TRAPPC12: variants seen among roughly 807,000 people sequenced by gnomAD.
TRAPPC12 encodes the protein trafficking protein particle complex subunit 12, also known as TPR repeat protein 15.
Under a neutral mutation model 69.2 loss-of-function variants are expected in TRAPPC12, and 61 were observed. The ratio of observed to expected loss-of-function variants is 0.88; its 90% CI spans 0.72 to 1.09. TRAPPC12 has a LOEUF of 1.09. TRAPPC12 is among the 50% of genes least tolerant of loss of function. The pLI, the probability that TRAPPC12 is intolerant of heterozygous loss-of-function variation, is 0.00. For missense variants in TRAPPC12, 1,101 were observed against 1,016.4 expected, an observed-to-expected ratio of 1.08 and a Z score of -1.13; for synonymous variants, 469 against 438.9, an observed-to-expected ratio of 1.07 and a Z score of -0.86.
chr2:3,408,985 C>T (rs1661885752), intron 3 of TRAPPC12, among the ~76,000 whole-genome samples: 1 of 152,200 alleles, frequency 6.6e-6, no homozygotes, highest in African/African-American at 2.4e-5. Context: ...CTATGTGCAC[C>T]GTGGCTCCTG....
chr2:3,465,597 GATT>G lies in TRAPPC12; in HGVS notation c.1681_1683del (p.Tyr561del), dbSNP rs1558405514. On this transcript the variant is annotated inframe_deletion and splice_region_variant, in exon 9 of 12. Transcript: ENST00000324266. ...GTACGTTGGGTTTTTCTTCCCACAGGATTATGTGCTGGCCGTGGAGGCGTATCA... is the reference window on the plus strand; with the variant it reads ...GTACGTTGGGTTTTTCTTCCCACAGGATGTGCTGGCCGTGGAGGCGTATCA... The G allele has an allele frequency of 4.3e-6, 7 of 1,612,510 alleles. No homozygotes were observed. Among genetic ancestry groups the G allele is most frequent in the Non-Finnish European group, 5.9e-6 (7 of 1,178,624 alleles).
intron 6 of TRAPPC12, chr2:3,456,093 AG>A (rs1665135038): frequency 6.6e-6 from 1 of 152,208 alleles, no homozygotes; most frequent in Admixed American, 6.5e-5. Flanking sequence ...CGTTTTACCT[AG>A]TTTAAACTGG....
chr2:3,421,831 C>T (rs1336289794), intron 3 of TRAPPC12, 50 bp from the exon 4 acceptor site: 4 of 1,538,886 alleles, frequency 2.6e-6, no homozygotes, highest in East Asian at 2.3e-5. Flanking sequence ...TCATGGATTC[C>T]ACCATGCCTT....
At position 3,479,100 on chromosome 2, in the gene TRAPPC12, C is replaced by T. The variant is rs1038833298; in HGVS notation, c.1966-119C>T. On this transcript the variant is annotated intron_variant, in intron 11 of 11. Coordinates refer to ENST00000324266, the MANE Select transcript of TRAPPC12 (RefSeq NM_016030.6). ...AAGTGACCCAACAGGGCCACCTAGGCTCTGCCCAGCAGCTCTGCACCACCC... is the reference window on the plus strand; with the variant it reads ...AAGTGACCCAACAGGGCCACCTAGGTTCTGCCCAGCAGCTCTGCACCACCC... 5.2e-6 allele frequency: 8 copies of T among 1,532,784 alleles called. No individual in the cohort carries two copies. The African/African-American group carries it at 6.9e-5, about 13-fold the overall frequency. The allele number at this position is 1,532,784 out of a possible 1,614,324, so 94.9% of individuals were successfully genotyped here.
chr2:3,406,309 A>G (rs1211107988), intron 3 of TRAPPC12, among the ~76,000 whole-genome samples: 1 of 84,746 alleles, frequency 1.2e-5, no homozygotes, highest in East Asian at 3.5e-4. Flanking sequence ...TGCTGTCTGA[A>G]TCCTCTGGTA....
rs147897708 is a variant in TRAPPC12, at chr2:3,438,809, A to G, written c.1418-4970A>G. On this transcript the variant is annotated intron_variant, in intron 5 of 11. Transcript: ENST00000324266. ...TAATATTCCATTTTATGTATATACC[A>G]TAGCTTATTTATCCATTTCTCTGTT... 1.9e-4 allele frequency among the ~76,000 whole-genome samples: 29 copies of G among 152,218 alleles called. No individual in the cohort carries two copies. The East Asian group carries it at 5.4e-3, about 28-fold the overall frequency.
chr2:3,476,520 C>G (rs1666296593), intron 9 of TRAPPC12, among the ~76,000 whole-genome samples: 1 of 152,160 alleles, frequency 6.6e-6, no homozygotes, highest in African/African-American at 2.4e-5. Flanking sequence ...TGCCCTTTGC[C>G]CCAGAGGGAT....
chr2:3,469,420 G>A (rs115511522), intron 9 of TRAPPC12, among the ~76,000 whole-genome samples: 391 of 152,340 alleles, frequency 2.6e-3, no homozygotes, highest in Middle Eastern at 0.017. Flanking sequence ...GAAAGTACGG[G>A]ACGAGGTTTT....
chr2:3,409,284 C>A (rs945908235), intron 3 of TRAPPC12, among the ~76,000 whole-genome samples: 1 of 152,144 alleles, frequency 6.6e-6, no homozygotes, highest in African/African-American at 2.4e-5. Flanking sequence ...CAAAAATATT[C>A]CTGTGCCTAG....
At chr2:3,394,579 C>G (rs990390081) in intron 2 of TRAPPC12, among the ~76,000 whole-genome samples, 3 of 151,802 alleles carry the variant, frequency 2.0e-5, no homozygotes, top group Non-Finnish European at 4.4e-5. Flanking sequence ...TGAGATTGCA[C>G]CATTGCATTC....
intron 6 of TRAPPC12, among the ~76,000 whole-genome samples, chr2:3,450,182 C>T (rs989229625): frequency 2.0e-5 from 3 of 152,174 alleles, no homozygotes; most frequent in African/African-American, 7.2e-5. Flanking sequence ...CCAAATGCAC[C>T]AAATGTGAAC....
intron 3 of TRAPPC12, among the ~76,000 whole-genome samples, chr2:3,405,521 A>G (rs923846550): frequency 9.9e-5 from 15 of 152,190 alleles, no homozygotes; most frequent in African/African-American, 3.1e-4. Context: ...CAGGGGTAGG[A>G]TTTCCCATGA....
At chr2:3,472,209 G>C (rs754289077) in intron 9 of TRAPPC12, among the ~76,000 whole-genome samples, 33 of 152,282 alleles carry the variant, frequency 2.2e-4, no homozygotes, top group Non-Finnish European at 4.3e-4. Flanking sequence ...GGGAGACGCT[G>C]AGGTGGAAGA....
At chr2:3,392,338 A>G (rs1196098262) in intron 2 of TRAPPC12, among the ~76,000 whole-genome samples, 2 of 152,136 alleles carry the variant, frequency 1.3e-5, no homozygotes, top group Non-Finnish European at 2.9e-5. Flanking sequence ...CCGCCAGCCC[A>G]GACCAGGACA....
rs1665772617 is a variant in TRAPPC12, at chr2:3,465,637, A to G, written c.1718A>G (p.Lys573Arg). Reference protein sequence around the residue: ...LAVEAYHSVIKYYPEQEPQLL... With the variant: ...LAVEAYHSVIRYYPEQEPQLL... ...GTGGAGGCGTATCATTCGGTTATCA[A>G]GTATTACCCAGAGCAAGAGCCCCAG... Residue 573 changes from lysine to arginine, a missense_variant, in exon 9 of 12, where the codon AAG becomes AGG. Coordinates refer to ENST00000324266, the MANE Select transcript of TRAPPC12 (RefSeq NM_016030.6). The G allele has an allele frequency of 1.9e-6, 3 of 1,614,052 alleles. No homozygotes were observed. Among genetic ancestry groups the G allele is most frequent in the African/African-American group, 1.3e-5 (1 of 74,922 alleles).
At chr2:3,395,560 C>CTTTTTT (rs10671671) in intron 2 of TRAPPC12, among the ~76,000 whole-genome samples, 1 of 118,146 alleles carries the variant, frequency 8.5e-6, no homozygotes, top group Non-Finnish European at 1.7e-5. Flanking sequence ...AAAATTATTA[C>CTTTTTT]TTTTTTTTTT....
chr2:3,390,100 G>C (rs1035753158), intron 2 of TRAPPC12, among the ~76,000 whole-genome samples: 1 of 152,198 alleles, frequency 6.6e-6, no homozygotes, highest in African/African-American at 2.4e-5. Context: ...AGTCCCTTAC[G>C]TGGGTTTATC....
chr2:3,451,350 G>C (rs142056186), intron 6 of TRAPPC12, among the ~76,000 whole-genome samples: 16 of 152,266 alleles, frequency 1.1e-4, no homozygotes, highest in Admixed American at 1.0e-3. Flanking sequence ...TATGCACAGA[G>C]CAGTCTGAGT....
At chr2:3,463,554 C>G (rs921092272) in intron 8 of TRAPPC12, among the ~76,000 whole-genome samples, 2 of 150,258 alleles carry the variant, frequency 1.3e-5, no homozygotes, top group Non-Finnish European at 3.0e-5. Flanking sequence ...TCGTAAAAAC[C>G]TGTCTTTTGT....
Sources: gnomAD v4.1 joint callset for allele counts (sites outside exome capture counted in the v4.1 genomes callset) on GRCh38, gnomAD v4.1.1 for gene constraint, MANE v1.5 for transcripts, NCBI Gene and HGNC (gene_info 2026-07-23, HGNC 2026-07-21) for gene names.